The following WASHC4 variants were observed in gnomAD, a reference collection of about 807,000 sequenced individuals.
WASHC4 encodes WASH complex subunit 7.
Under a neutral mutation model 166.6 loss-of-function variants are expected in WASHC4, and 86 were observed. The ratio of observed to expected loss-of-function variants is 0.52; its 90% CI spans 0.43 to 0.62. The LOEUF is 0.62. Among genes scored for constraint, WASHC4 ranks in the 20% least tolerant of loss-of-function variants. The pLI, the probability that WASHC4 is intolerant of heterozygous loss-of-function variation, is 0.00. For missense variants in WASHC4, 1,262 were observed against 1,382.4 expected, an observed-to-expected ratio of 0.91 and a Z score of 1.38; for synonymous variants, 446 against 451.6, an observed-to-expected ratio of 0.99 and a Z score of 0.16.
At position 105,137,809 on chromosome 12, in the gene WASHC4, A is replaced by C. The variant is rs148914382; in HGVS notation, c.1327-77A>C. The C allele has an allele frequency of 2.4e-4, 296 of 1,216,810 alleles. No individual in the cohort carries two copies. The African/African-American group carries it at 4.2e-3, about 17-fold the overall frequency. The allele number at this position is 1,216,810 out of a possible 1,614,324, so 75.4% of individuals were successfully genotyped here. On this transcript the variant is annotated intron_variant, in intron 14 of 32. Coordinates refer to ENST00000332180, the MANE Select transcript of WASHC4 (RefSeq NM_015275.3). ...ACATTAGTTATTGGTAAGTTGAGGAATAGCTGCTGTTAAATAGATAATGAA... is the reference window on the plus strand; with the variant it reads ...ACATTAGTTATTGGTAAGTTGAGGACTAGCTGCTGTTAAATAGATAATGAA...
chr12:105,138,915 G>A (rs1215788968), intron 15 of WASHC4, among the ~76,000 whole-genome samples: 1 of 152,048 alleles, frequency 6.6e-6, no homozygotes, highest in African/African-American at 2.4e-5. Context: ...GAAATAGAAT[G>A]TTACCAATAT....
Position 105,168,411 on chromosome 12 carries a change from T to A in WASHC4, c.*1480T>A. The A allele has an allele frequency of 6.6e-6, 1 of 151,968 alleles. No individual in the cohort carries two copies. The highest frequency in any genetic ancestry group is 1.9e-4 in the East Asian group (1 of 5,190). The allele number at this position is 151,968 out of a possible 1,614,324, so 9.4% of individuals were successfully genotyped here. A position where few individuals can be genotyped will look rare whatever the true frequency, so the allele number is the denominator to read the frequency against. ...AGAAATGGCCCTAAAGCATGCTGCA[T>A]AATTAATAATTTATATTTTCATTAT... On this transcript the variant is annotated 3_prime_UTR_variant, in exon 33 of 33. Transcript: ENST00000332180.
chr12:105,108,590 A>T (rs569235799), intron 1 of WASHC4, among the ~76,000 whole-genome samples: 1 of 152,350 alleles, frequency 6.6e-6, no homozygotes, highest in African/African-American at 2.4e-5. Flanking sequence ...AAATAAACAA[A>T]TTGTGTTTCT....
At position 105,126,275 on chromosome 12, in the gene WASHC4, A is replaced by G; in HGVS notation, c.951A>G (p.Gly317=). The change falls in exon 12 of 33, where the codon GGA becomes GGG. Residue 317 remains glycine (G), a synonymous_variant. Transcript: ENST00000332180. ...TTGACCAGAGAGACAAGTATGTTGG[A>G]ATTTGTGGACTCTTTGTATTGCACT... The part of the protein sequence containing the change: ...SEIDQRDKYV[G]ICGLFVLHFQ... The G allele has an allele frequency of 6.2e-7, 1 of 1,611,940 alleles. No individual in the cohort carries two copies. The highest frequency in any genetic ancestry group is 1.7e-4 in the Middle Eastern group (1 of 6,052).
rs148407312 is a variant in WASHC4 at position 105,141,235 on chromosome 12, A to G, written c.1776A>G (p.Glu592=). ...TGAAAAAACTGGATCTTATTAGTGA[A>G]CTTAGAGAACGGTAAGTAGGACTGG... ...VVMKKLDLIS[E]LRERVQTQCD... The change falls in exon 18 of 33, where the codon GAA becomes GAG. Residue 592 remains glutamate (E), a synonymous_variant. Coordinates refer to ENST00000332180, the MANE Select transcript of WASHC4 (RefSeq NM_015275.3). 1.1e-3 allele frequency: 1,766 copies of G among 1,604,228 alleles called. 15 individuals carry two copies. The African/African-American group carries it at 0.02, about 18-fold the overall frequency.
chr12:105,144,594 TA>T (rs1883143031), intron 21 of WASHC4, 123 bp from the exon 22 acceptor site: 1 of 1,150,750 alleles, frequency 8.7e-7, no homozygotes, highest in Non-Finnish European at 1.2e-6. Context: ...TTCTCATTTT[TA>T]TTAATACCTT....
intron 20 of WASHC4, among the ~76,000 whole-genome samples, chr12:105,143,518 A>T (rs1042789430): frequency 1.1e-4 from 16 of 152,134 alleles, no homozygotes; most frequent in African/African-American, 3.6e-4. Context: ...GCAAATGTGA[A>T]ATGGTTTTGA....
chr12:105,139,425 G>GTGTGTGTGTGTGTGTGTATATA, intron 15 of WASHC4, among the ~76,000 whole-genome samples: 29 of 103,190 alleles, frequency 2.8e-4, no homozygotes, highest in Non-Finnish European at 4.7e-4. Flanking sequence ...ATGTGTGTGT[G>GTGTGTGTGTGTGTGTGTATATA]TATATATATA....
chr12:105,126,426 A>G lies in WASHC4; in HGVS notation c.1038+64A>G, dbSNP rs553703881. The G allele has an allele frequency of 3.9e-5, 48 of 1,236,548 alleles. No homozygotes were observed. The African/African-American group carries it at 5.1e-4, about 13-fold the overall frequency. 76.6% of individuals were successfully genotyped at this position (1,236,548 alleles called of 1,614,324 possible). On this transcript the variant is annotated intron_variant, in intron 12 of 32. Coordinates refer to ENST00000332180, the MANE Select transcript of WASHC4 (RefSeq NM_015275.3). ...AAAAAGATTGCAGATAAAACTAAAT[A>G]TTTTAAAATGCATTTTATTCCTGTT...
chr12:105,116,517 T>C (rs76184158), intron 6 of WASHC4, among the ~76,000 whole-genome samples: 340 of 152,260 alleles, frequency 2.2e-3, no homozygotes, highest in African/African-American at 7.8e-3. Context: ...GTAGCAGATA[T>C]GTAAGATGAG....
intron 14 of WASHC4, among the ~76,000 whole-genome samples, chr12:105,136,202 T>G (rs932100630): frequency 2.6e-5 from 4 of 152,170 alleles, no homozygotes; most frequent in Admixed American, 6.5e-5. Context: ...GAAAACCAGC[T>G]CCGATGAGCC....
rs1881271765 is a variant in WASHC4 at position 105,126,235 on chromosome 12, G to A, written c.911G>A (p.Gly304Glu). The A allele has an allele frequency of 1.2e-6, 2 of 1,612,466 alleles. No homozygotes were observed. The highest frequency in any genetic ancestry group is 1.3e-5 in the African/African-American group (1 of 74,856). The stretch of plus-strand genomic sequence containing the variant: ...TTCTCTTATGTTATTGATTTGTAAG[G>A]AGAACCTTCTGAAATTGACCAGAGA... ...SIFANVEAKL[G>E]EPSEIDQRDK... The change falls in exon 12 of 33, where the codon GGA becomes GAA. Residue 304 changes from glycine (G) to glutamate (E), a missense_variant and splice_region_variant. Gly to Glu is a moderately conservative substitution (Grantham distance 98). Transcript: ENST00000332180.
intron 32 of WASHC4, 57 bp from the exon 33 acceptor site, chr12:105,166,803 CTTAA>C (rs1248672514): frequency 2.7e-5 from 32 of 1,196,140 alleles, no homozygotes; most frequent in Non-Finnish European, 3.6e-5. Flanking sequence ...TCTTTTACTT[CTTAA>C]TTTATTGTTT....
intron 25 of WASHC4, among the ~76,000 whole-genome samples, chr12:105,151,659 T>A (rs1883786648): frequency 6.6e-6 from 1 of 152,036 alleles, no homozygotes; most frequent in Non-Finnish European, 1.5e-5. Context: ...TTTTAGTATT[T>A]TTAGTAGAGA....
intron 23 of WASHC4, 51 bp downstream of exon 23, chr12:105,146,577 G>A (rs1365677335): frequency 1.0e-6 from 1 of 955,130 alleles, no homozygotes. Flanking sequence ...GAGATAGTTG[G>A]AAGGCTGAGG....
At chr12:105,159,537 GAAT>G (rs1884364407) in intron 28 of WASHC4, among the ~76,000 whole-genome samples, 1 of 152,156 alleles carries the variant, frequency 6.6e-6, no homozygotes, top group Admixed American at 6.5e-5. Flanking sequence ...AGTGGTGGAG[GAAT>G]AATAATTGAA....
chr12:105,125,518 C>G (rs993672903), intron 10 of WASHC4, among the ~76,000 whole-genome samples: 11 of 152,212 alleles, frequency 7.2e-5, no homozygotes, highest in African/African-American at 2.6e-4. Context: ...GTGTCCCTAA[C>G]TTTATGTTTA....
intron 22 of WASHC4, among the ~76,000 whole-genome samples, chr12:105,145,400 CGT>C (rs142435614): frequency 0.043 from 6,596 of 151,864 alleles, 482 homozygotes; most frequent in African/African-American, 0.15. Flanking sequence ...AGATAATTTG[CGT>C]GGAGTTCTCT....
chr12:105,147,255 T>C lies in WASHC4; in HGVS notation c.2514+109T>C. 5 of 726,476 alleles carry C rather than the reference T, an allele frequency of 6.9e-6. No homozygotes were observed. In the South Asian group the frequency reaches 7.6e-5, roughly 11 times the overall value. 45.0% of individuals were successfully genotyped at this position (726,476 alleles called of 1,614,324 possible). A position where few individuals can be genotyped will look rare whatever the true frequency, so the allele number is the denominator to read the frequency against. On this transcript the variant is annotated intron_variant, in intron 24 of 32. Coordinates refer to ENST00000332180, the MANE Select transcript of WASHC4 (RefSeq NM_015275.3). ...AAACATACACTACTAGTTTATATTT[T>C]ACATGAATTTCCATTTTTTTTCTGG... is the stretch of plus-strand genomic sequence containing the variant.
Sources: gnomAD v4.1 joint callset for allele counts (sites outside exome capture counted in the v4.1 genomes callset) on GRCh38, gnomAD v4.1.1 for gene constraint, MANE v1.5 for transcripts, NCBI Gene and HGNC (gene_info 2026-07-23, HGNC 2026-07-21) for gene names.